The following CIMAP2 variants were observed in gnomAD, a reference collection of about 807,000 sequenced individuals.
CIMAP2 encodes ciliary microtubule-associated protein 2.
the CIMAP2 span, among the ~76,000 whole-genome samples, chr1:54,822,943 T>C: frequency 6.6e-6 from 1 of 152,232 alleles, no homozygotes; most frequent in African/African-American, 2.4e-5. Context: ...AGATACTTGG[T>C]ATGATTTTGA....
chr1:54,811,765 G>GCCGGGGGGGGGCCCCC, the CIMAP2 span: 10 of 1,301,300 alleles, frequency 7.7e-6, no homozygotes, highest in East Asian at 2.5e-5. Context: ...GGTTCTGACA[G>GCCGGGGGGGGGCCCCC]CCTCCATGCC....
the CIMAP2 span, chr1:54,817,006 C>G: frequency 6.2e-7 from 1 of 1,614,140 alleles, no homozygotes; most frequent in Non-Finnish European, 8.5e-7. Context: ...TAGGTGTGGG[C>G]CGCTACCTCA....
chr1:54,837,201 T>C, the CIMAP2 span, among the ~76,000 whole-genome samples: 1 of 152,058 alleles, frequency 6.6e-6, no homozygotes, highest in Non-Finnish European at 1.5e-5. Context: ...GTTGCATATT[T>C]TGTTCCCCAA....
chr1:54,838,513 T>A, the CIMAP2 span, among the ~76,000 whole-genome samples: 2 of 151,740 alleles, frequency 1.3e-5, no homozygotes, highest in Non-Finnish European at 2.9e-5. Context: ...CTCATGGGCA[T>A]CACAAAGCTC....
chr1:54,822,177 C>T, the CIMAP2 span, among the ~76,000 whole-genome samples: 3 of 151,080 alleles, frequency 2.0e-5, 1 homozygote, highest in Admixed American at 1.3e-4. Flanking sequence ...GGATTACAGG[C>T]GTGAGCCACC....
At chr1:54,818,884 C>A in the CIMAP2 span, among the ~76,000 whole-genome samples, 2 of 152,140 alleles carry the variant, frequency 1.3e-5, no homozygotes, top group Non-Finnish European at 2.9e-5. Flanking sequence ...TGAGCCACTG[C>A]GGCTGGCTGC....
the CIMAP2 span, among the ~76,000 whole-genome samples, chr1:54,808,612 C>CGGCGG: frequency 3.4e-4 from 23 of 67,342 alleles, 4 homozygotes; most frequent in Non-Finnish European, 1.1e-4. Context: ...CAGGTGCTGC[C>CGGCGG]GGGGGAGGGC....
chr1:54,808,930 C>T, the CIMAP2 span, among the ~76,000 whole-genome samples: 1 of 10,030 alleles, frequency 1.0e-4, no homozygotes, highest in Admixed American at 7.6e-4. Flanking sequence ...GGCTTTGCCC[C>T]TGCTGTTCCC....
At chr1:54,841,198 CGTTCATGGA>C in the CIMAP2 span, among the ~76,000 whole-genome samples, 15 of 152,142 alleles carry the variant, frequency 9.9e-5, no homozygotes, top group Admixed American at 7.9e-4. Context: ...GCAAGTCCTG[CGTTCATGGA>C]GTTCACATCT....
At chr1:54,821,750 A>C in the CIMAP2 span, among the ~76,000 whole-genome samples, 2 of 152,116 alleles carry the variant, frequency 1.3e-5, no homozygotes, top group African/African-American at 4.8e-5. Flanking sequence ...TTGTATTCTG[A>C]CAACTTTACT....
the CIMAP2 span, among the ~76,000 whole-genome samples, chr1:54,835,339 GTGC>G: frequency 6.6e-6 from 1 of 152,074 alleles, no homozygotes; most frequent in African/African-American, 2.4e-5. Flanking sequence ...CTACAGGTGT[GTGC>G]CACCACGCCT....
the CIMAP2 span, chr1:54,841,501 G>A: frequency 1.3e-6 from 2 of 1,525,316 alleles, no homozygotes; most frequent in African/African-American, 1.4e-5. Flanking sequence ...TTCCTCTCAG[G>A]GTTGGGTTAG....
chr1:54,814,671 C>T, the CIMAP2 span, among the ~76,000 whole-genome samples: 41 of 152,318 alleles, frequency 2.7e-4, no homozygotes, highest in African/African-American at 9.4e-4. Flanking sequence ...CCCCACCAGA[C>T]AATGAAGGCC....
the CIMAP2 span, chr1:54,811,774 C>CG: frequency 6.3e-6 from 3 of 476,588 alleles, no homozygotes; most frequent in East Asian, 4.6e-5. Flanking sequence ...AGCCTCCATG[C>CG]CCCCACCCCC....
chr1:54,811,765 G>GCCGGGGGGGGGCGCCCCCCC, the CIMAP2 span: 1 of 1,301,322 alleles, frequency 7.7e-7, no homozygotes, highest in Non-Finnish European at 1.1e-6. Flanking sequence ...GGTTCTGACA[G>GCCGGGGGGGGGCGCCCCCCC]CCTCCATGCC....
chr1:54,819,980 C>T, the CIMAP2 span, among the ~76,000 whole-genome samples: 9,568 of 111,066 alleles, frequency 0.086, 1,336 homozygotes, highest in African/African-American at 0.29. Flanking sequence ...CTTTCTTTTT[C>T]TCTCTTTCTT....
the CIMAP2 span, among the ~76,000 whole-genome samples, chr1:54,837,821 T>C: frequency 6.6e-6 from 1 of 152,122 alleles, no homozygotes; most frequent in Non-Finnish European, 1.5e-5. Context: ...TGTGTAATGG[T>C]TGGAAGGAGC....
the CIMAP2 span, among the ~76,000 whole-genome samples, chr1:54,820,360 T>C: frequency 1.3e-5 from 2 of 151,806 alleles, no homozygotes; most frequent in Non-Finnish European, 2.9e-5. Flanking sequence ...TTTTTTTTTG[T>C]AGAGACAGGG....
chr1:54,816,140 A>T, the CIMAP2 span, among the ~76,000 whole-genome samples: 7 of 152,236 alleles, frequency 4.6e-5, no homozygotes, highest in Non-Finnish European at 7.3e-5. Flanking sequence ...GGAAGGGCTG[A>T]TGTGAGGTCC....
Sources: gnomAD v4.1 joint callset for allele counts (sites outside exome capture counted in the v4.1 genomes callset) on GRCh38, gnomAD v4.1.1 for gene constraint, MANE v1.5 for transcripts, NCBI Gene and HGNC (gene_info 2026-07-23, HGNC 2026-07-21) for gene names.